Variants in ABHD6 observed in about 807,000 individuals in gnomAD.
ABHD6 encodes abhydrolase domain containing 6, acylglycerol lipase.
In ABHD6, 33 loss-of-function variants were observed where a neutral mutation model predicts 38.8. The observed-to-expected ratio is 0.85, with a 90% CI of 0.64 to 1.14. The LOEUF is 1.14. Among genes scored for constraint, ABHD6 ranks in the 50% most tolerant of loss-of-function variants. ABHD6 has a pLI of 0.00. For missense variants in ABHD6, 380 were observed against 422.6 expected (o/e 0.90, Z 0.88); for synonymous variants, 147 against 161.6 (o/e 0.91, Z 0.69).
At position 58,293,708 on chromosome 3, in the gene ABHD6, C is replaced by T. The variant is rs538867144; in HGVS notation, c.957C>T (p.Leu319=). ...AAAGACCCAGGAAGACAGCCAAGCTCATAATCGACTTTTTAGCTTCTGTGC... is the reference window on the plus strand; with the variant it reads ...AAAGACCCAGGAAGACAGCCAAGCTTATAATCGACTTTTTAGCTTCTGTGC... ...VMERPRKTAK[L]IIDFLASVHN... Residue 319 remains leucine, a synonymous_variant, in exon 10 of 10, where the codon CTC becomes CTT. Coordinates refer to ENST00000478253, the MANE Select transcript of ABHD6 (RefSeq NM_001320126.2). This position sits in a 1 kb window ranked among gnomAD's most constrained non-coding sequence, Gnocchi z 4.4. 6.2e-6 allele frequency: 10 copies of T among 1,614,226 alleles called. No individual in the cohort carries two copies. The East Asian group carries it at 2.2e-4, about 36-fold the overall frequency.
chr3:58,248,893 A>G (rs945279375), intron 1 of ABHD6, among the ~76,000 whole-genome samples: 3 of 152,198 alleles, frequency 2.0e-5, no homozygotes, highest in Non-Finnish European at 4.4e-5. Context: ...CCAGTACAAT[A>G]AAGGAAGATC....
At chr3:58,248,257 G>A (rs2097427734) in intron 1 of ABHD6, among the ~76,000 whole-genome samples, 1 of 152,276 alleles carries the variant, frequency 6.6e-6, no homozygotes, top group Non-Finnish European at 1.5e-5. Context: ...TCTTTGCAAA[G>A]CTGTATCATC....
chr3:58,267,904 A>ACTC lies in ABHD6; in HGVS notation c.276+561_276+563dup, dbSNP rs544896197. On this transcript the variant is annotated intron_variant, in intron 4 of 9. Coordinates refer to ENST00000478253, the MANE Select transcript of ABHD6 (RefSeq NM_001320126.2). This position sits in a 1 kb window ranked among gnomAD's most constrained non-coding sequence, Gnocchi z 4.3. The stretch of plus-strand genomic sequence containing the variant: ...AGACCAGCCTGGGCAACATAGGGAG[A>ACTC]CTCCGTCTCTACAAAAAAATTAGCC... 1.9e-3 allele frequency among the ~76,000 whole-genome samples: 282 copies of ACTC among 151,592 alleles called. 4 individuals carry two copies. The highest frequency in any genetic ancestry group is 0.017 in the Admixed American group (260 of 15,210).
rs574951914 is a variant in ABHD6, at chr3:58,265,617, T to G, written c.120-1572T>G. Among the ~76,000 whole-genome samples, 18 of 152,344 alleles carry G rather than the reference T, an allele frequency of 1.2e-4. No individual in the cohort carries two copies. The South Asian group carries it at 3.7e-3, about 32-fold the overall frequency. On this transcript the variant is annotated intron_variant, in intron 3 of 9. Coordinates refer to ENST00000478253, the MANE Select transcript of ABHD6 (RefSeq NM_001320126.2). The surrounding 1 kb of genome is among the most constrained non-coding windows in gnomAD (Gnocchi z 4.2). ...TGCAGCATTTCCTCATATTATAAGA[T>G]TATATAGTTAGTGTCTTATTCCATT... is the stretch of plus-strand genomic sequence containing the variant.
intron 4 of ABHD6, among the ~76,000 whole-genome samples, chr3:58,268,311 T>C (rs113972604): frequency 3.3e-5 from 5 of 152,190 alleles, no homozygotes; most frequent in African/African-American, 1.2e-4. Context: ...CCCTCCATAT[T>C]CTTCCTTCAT....
In ABHD6 at chr3:58,256,421, T is replaced by G; in HGVS notation, c.-25-141T>G. The G allele has an allele frequency of 1.9e-6, 1 of 524,426 alleles. No homozygotes were observed. The highest frequency in any genetic ancestry group is 3.4e-6 in the Non-Finnish European group (1 of 296,082). The allele number at this position is 524,426 out of a possible 1,614,324, so 32.5% of individuals were successfully genotyped here. On this transcript the variant is annotated intron_variant, in intron 2 of 9. Coordinates refer to ENST00000478253, the MANE Select transcript of ABHD6 (RefSeq NM_001320126.2). The surrounding 1 kb of genome is among the most constrained non-coding windows in gnomAD (Gnocchi z 4.3). The stretch of plus-strand genomic sequence containing the variant: ...TAGTTGTCATGTCTATTTGGTTTTT[T>G]GTAAAGCACTTGCCTGCTTTGGTTT...
intron 9 of ABHD6, among the ~76,000 whole-genome samples, chr3:58,291,299 G>C (rs913202501): frequency 6.6e-6 from 1 of 151,868 alleles, no homozygotes; most frequent in Non-Finnish European, 1.5e-5. Context: ...AATCAGGCAG[G>C]GAGGTTGCAG....
At chr3:58,276,411 C>A (rs1056075547) in intron 7 of ABHD6, among the ~76,000 whole-genome samples, 1 of 152,018 alleles carries the variant, frequency 6.6e-6, no homozygotes, top group Admixed American at 6.6e-5. Flanking sequence ...GCATAGATGT[C>A]TTCTTTTGAG....
intron 1 of ABHD6, among the ~76,000 whole-genome samples, chr3:58,240,548 C>A (rs889252636): frequency 1.3e-5 from 2 of 152,050 alleles, no homozygotes; most frequent in African/African-American, 4.8e-5. Context: ...TTAAAAATTT[C>A]TCCTATTTGA....
Position 58,256,299 on chromosome 3 carries a change from C to G in ABHD6, c.-25-263C>G, listed in dbSNP as rs2097433282. 6.6e-6 allele frequency among the ~76,000 whole-genome samples: 1 copy of G among 152,050 alleles called. No homozygotes were observed. The highest frequency in any genetic ancestry group is 1.9e-4 in the East Asian group (1 of 5,178). ...TACATTGACGTTGTCTAATACCCAGCCCTTACTCAGATTTTCACATTTGTC... is the reference window on the plus strand; with the variant it reads ...TACATTGACGTTGTCTAATACCCAGGCCTTACTCAGATTTTCACATTTGTC... On this transcript the variant is annotated intron_variant, in intron 2 of 9. Coordinates refer to ENST00000478253, the MANE Select transcript of ABHD6 (RefSeq NM_001320126.2). This position sits in a 1 kb window ranked among gnomAD's most constrained non-coding sequence, Gnocchi z 4.3.
chr3:58,283,262 G>A lies in ABHD6; in HGVS notation c.682-1823G>A, dbSNP rs559996704. On this transcript the variant is annotated intron_variant, in intron 7 of 9. Coordinates refer to ENST00000478253, the MANE Select transcript of ABHD6 (RefSeq NM_001320126.2). ...AGCACTGATCTCTTCCCAGAATAGAGTGGCCAAATGATGTTTTAGAAAACT... is the reference window on the plus strand; with the variant it reads ...AGCACTGATCTCTTCCCAGAATAGAATGGCCAAATGATGTTTTAGAAAACT... Among the ~76,000 whole-genome samples, 5 of 152,306 alleles carry A rather than the reference G, an allele frequency of 3.3e-5. No individual in the cohort carries two copies. The East Asian group carries it at 9.6e-4, about 29-fold the overall frequency.
chr3:58,272,274 G>A (rs1040409609), intron 6 of ABHD6, among the ~76,000 whole-genome samples: 5 of 152,146 alleles, frequency 3.3e-5, no homozygotes, highest in Non-Finnish European at 1.5e-5. Flanking sequence ...TTACATTAGT[G>A]CCAAAACCAC....
At position 58,269,216 on chromosome 3, in the gene ABHD6, C is replaced by T. The variant is rs371785796; in HGVS notation, c.277-105C>T. The T allele has an allele frequency of 2.7e-6, 2 of 747,774 alleles. No homozygotes were observed. The highest frequency in any genetic ancestry group is 2.3e-6 in the Non-Finnish European group (1 of 429,386). The allele number at this position is 747,774 out of a possible 1,614,324, so 46.3% of individuals were successfully genotyped here. ...TGAGTGGCCAAGACCCATACATCCCCAGGGATGGCTGTCTGGGTCACTGTA... is the reference window on the plus strand; with the variant it reads ...TGAGTGGCCAAGACCCATACATCCCTAGGGATGGCTGTCTGGGTCACTGTA... On this transcript the variant is annotated intron_variant, in intron 4 of 9. Transcript: ENST00000478253. This position sits in a 1 kb window ranked among gnomAD's most constrained non-coding sequence, Gnocchi z 4.4.
At position 58,285,444 on chromosome 3, in the gene ABHD6, A is replaced by T; in HGVS notation, c.828A>T (p.Lys276Asn). Residue 276 changes from lysine to asparagine, a missense_variant, in exon 9 of 10, where the codon AAA becomes AAT. Coordinates refer to ENST00000478253, the MANE Select transcript of ABHD6 (RefSeq NM_001320126.2). This position sits in a 1 kb window ranked among gnomAD's most constrained non-coding sequence, Gnocchi z 4.9. ...IKVPTQIIWG[K>N]QDQVLDVSGA... ...TTCCGACGCAGATCATCTGGGGGAA[A>T]CAAGACCAGGTATGTAACACATCCC... The T allele has an allele frequency of 6.2e-7, 1 of 1,613,964 alleles. No homozygotes were observed. Among genetic ancestry groups the T allele is most frequent in the Non-Finnish European group, 8.5e-7 (1 of 1,179,842 alleles).
chr3:58,292,407 G>A (rs534187160), intron 9 of ABHD6, among the ~76,000 whole-genome samples: 2 of 152,288 alleles, frequency 1.3e-5, no homozygotes, highest in South Asian at 4.1e-4. Context: ...GAAGGGGAGT[G>A]AATGCGGATC....
At chr3:58,290,932 C>T (rs560219216) in intron 9 of ABHD6, among the ~76,000 whole-genome samples, 4 of 150,796 alleles carry the variant, frequency 2.7e-5, no homozygotes, top group Admixed American at 6.6e-5. Context: ...ACATCCCAGA[C>T]GATGGGCGGC....
At position 58,257,639 on chromosome 3, in the gene ABHD6, A is replaced by G. The variant is rs2107438312; in HGVS notation, c.119+934A>G. ...CAGCCTCCCAAAGTGCTGGGATTAC[A>G]GGTGTGAGCCACTGCGCCTGGCCTT... On this transcript the variant is annotated intron_variant, in intron 3 of 9. Transcript: ENST00000478253. The surrounding 1 kb of genome is among the most constrained non-coding windows in gnomAD (Gnocchi z 4.8). Among the ~76,000 whole-genome samples, 1 of 152,298 alleles carries G rather than the reference A, an allele frequency of 6.6e-6. No individual in the cohort carries two copies. Among genetic ancestry groups the G allele is most frequent in the Non-Finnish European group, 1.5e-5 (1 of 68,032 alleles).
intron 9 of ABHD6, among the ~76,000 whole-genome samples, chr3:58,288,613 C>CACTA (rs10630887): frequency 0.78 from 118,824 of 151,740 alleles, 47,237 homozygotes; most frequent in East Asian, 1. Context: ...GGGATAAACC[C>CACTA]ACTGACTGAC....
intron 1 of ABHD6, among the ~76,000 whole-genome samples, chr3:58,245,163 C>CT (rs998724860): frequency 5.3e-5 from 8 of 151,502 alleles, no homozygotes; most frequent in South Asian, 2.1e-4. Flanking sequence ...ACTTCACCTC[C>CT]TTTTTTTTTG....
Sources: allele counts gnomAD v4.1 joint callset (sites outside exome capture counted in the v4.1 genomes callset), GRCh38; gene constraint gnomAD v4.1.1; non-coding constraint Gnocchi (gnomAD v3.1); transcripts MANE v1.5; gene names NCBI Gene and HGNC (gene_info 2026-07-23, HGNC 2026-07-21).